GPC5: variants seen among roughly 807,000 people sequenced by gnomAD.
GPC5 encodes the protein glypican 5.
Under a neutral mutation model 53.9 loss-of-function variants are expected in GPC5, and 47 were observed. The observed-to-expected ratio is 0.87, with a 90% CI of 0.69 to 1.11. The LOEUF (loss-of-function observed/expected upper bound fraction) is 1.11. GPC5 is among the 50% of genes most tolerant of loss of function. The pLI is 0.00. For missense variants in GPC5, 748 were observed against 713.1 expected (o/e 1.05, Z -0.56); for synonymous variants, 286 against 263.3 (o/e 1.09, Z -0.84).
intron 7 of GPC5, among the ~76,000 whole-genome samples, chr13:92,261,941 T>G (rs1376602465): frequency 2.6e-5 from 4 of 152,204 alleles, no homozygotes; most frequent in Admixed American, 6.6e-5. Context: ...TTTGTTATAC[T>G]GTTGTAAATG....
rs540127314 is a variant in GPC5, at chr13:91,746,339, T to TA, written c.1155-9947dup. ...ATTATGTGTGGACTGACTTTAGGGG[T>TA]AAAAAAAAATCAATATATGTCATTA... On this transcript the variant is annotated intron_variant, in intron 4 of 7. Transcript: ENST00000377067. Among the ~76,000 whole-genome samples the TA allele has an allele frequency of 9.8e-3, 1,490 of 151,350 alleles. 12 individuals carry two copies. The highest frequency in any genetic ancestry group is 0.017 in the Middle Eastern group (5 of 294).
chr13:92,443,297 C>T (rs543074530), intron 7 of GPC5, among the ~76,000 whole-genome samples: 1 of 152,274 alleles, frequency 6.6e-6, no homozygotes, highest in African/African-American at 2.4e-5. Flanking sequence ...CCAAACACCT[C>T]CCACCAGGCA....
chr13:92,834,600 A>C (rs1387374155), intron 7 of GPC5, among the ~76,000 whole-genome samples: 1 of 152,150 alleles, frequency 6.6e-6, no homozygotes, highest in Non-Finnish European at 1.5e-5. Context: ...CAGGTTGACA[A>C]AGAGTGTGGC....
chr13:92,672,014 T>C (rs776997758), intron 7 of GPC5, among the ~76,000 whole-genome samples: 6 of 152,264 alleles, frequency 3.9e-5, no homozygotes, highest in Non-Finnish European at 7.4e-5. Flanking sequence ...CTGACTCTAG[T>C]AGTGAATGAG....
At chr13:92,399,505 T>G (rs1292906678) in intron 7 of GPC5, among the ~76,000 whole-genome samples, 1 of 152,080 alleles carries the variant, frequency 6.6e-6, no homozygotes, top group African/African-American at 2.4e-5. Flanking sequence ...TTATACCTAT[T>G]TACCCCCAGC....
intron 2 of GPC5, among the ~76,000 whole-genome samples, chr13:91,667,521 G>T (rs1244774833): frequency 6.6e-6 from 1 of 152,178 alleles, no homozygotes; most frequent in Non-Finnish European, 1.5e-5. Flanking sequence ...CTGTCAGACT[G>T]CTAGATGCAA....
chr13:91,664,219 G>A (rs1361810042), intron 2 of GPC5, among the ~76,000 whole-genome samples: 1 of 152,208 alleles, frequency 6.6e-6, no homozygotes, highest in Non-Finnish European at 1.5e-5. Context: ...TGCAAAGATT[G>A]TAGCACACTT....
intron 7 of GPC5, among the ~76,000 whole-genome samples, chr13:92,425,650 C>T (rs1403414051): frequency 6.6e-6 from 1 of 152,020 alleles, no homozygotes; most frequent in Non-Finnish European, 1.5e-5. Flanking sequence ...CTTTGGGCTT[C>T]CTTCTTTTGG....
At chr13:92,421,875 G>T (rs1876583643) in intron 7 of GPC5, among the ~76,000 whole-genome samples, 1 of 151,908 alleles carries the variant, frequency 6.6e-6, no homozygotes, top group South Asian at 2.1e-4. Flanking sequence ...TAAACAGCCA[G>T]ATCTAGTAAG....
chr13:91,556,072 CT>C (rs77360740), intron 2 of GPC5, among the ~76,000 whole-genome samples: 39,536 of 151,734 alleles, frequency 0.26, 5,873 homozygotes, highest in African/African-American at 0.42. Flanking sequence ...AGCCATACCC[CT>C]ATCCCTTCCA....
chr13:92,220,052 A>G (rs2042437758), intron 7 of GPC5, among the ~76,000 whole-genome samples: 1 of 152,172 alleles, frequency 6.6e-6, no homozygotes, highest in African/African-American at 2.4e-5. Context: ...CACTGGTAAC[A>G]CTATAATTAT....
At chr13:92,748,811 A>G (rs17233858) in intron 7 of GPC5, among the ~76,000 whole-genome samples, 3,580 of 152,240 alleles carry the variant, frequency 0.024, 77 homozygotes, top group South Asian at 0.1. Context: ...TACAATTTTA[A>G]GCACCTCATA....
At chr13:91,618,286 G>T (rs1168629026) in intron 2 of GPC5, among the ~76,000 whole-genome samples, 1 of 152,102 alleles carries the variant, frequency 6.6e-6, no homozygotes, top group South Asian at 2.1e-4. Context: ...GTGAGTGAAG[G>T]TCACATTAGA....
At chr13:92,157,926 G>C (rs1476726706) in intron 7 of GPC5, among the ~76,000 whole-genome samples, 4 of 151,940 alleles carry the variant, frequency 2.6e-5, no homozygotes, top group Admixed American at 2.6e-4. Context: ...GTCTAGAAAG[G>C]GAAATAGGTA....
At chr13:92,632,540 T>A (rs1323442720) in intron 7 of GPC5, among the ~76,000 whole-genome samples, 1 of 150,110 alleles carries the variant, frequency 6.7e-6, no homozygotes, top group African/African-American at 2.4e-5. Flanking sequence ...GCTACCTGTA[T>A]AGTTTATATA....
At chr13:91,572,112 TGTATATATAC>T (rs2031911360) in intron 2 of GPC5, among the ~76,000 whole-genome samples, 2 of 126,642 alleles carry the variant, frequency 1.6e-5, no homozygotes, top group African/African-American at 6.2e-5. Context: ...TATACACACA[TGTATATATAC>T]GTGTGTATAT....
At chr13:91,834,224 C>T (rs1401528440) in intron 5 of GPC5, among the ~76,000 whole-genome samples, 2 of 152,060 alleles carry the variant, frequency 1.3e-5, no homozygotes, top group East Asian at 3.9e-4. Context: ...AATTACAAAC[C>T]ACTGCTCAAG....
chr13:92,307,574 T>A (rs149654032), intron 7 of GPC5, among the ~76,000 whole-genome samples: 1 of 152,396 alleles, frequency 6.6e-6, no homozygotes, highest in Non-Finnish European at 1.5e-5. Flanking sequence ...TAAAGTTGGC[T>A]ATTCTTATCT....
chr13:92,688,256 C>T (rs1183274617), intron 7 of GPC5, among the ~76,000 whole-genome samples: 1 of 76,166 alleles, frequency 1.3e-5, no homozygotes, highest in Non-Finnish European at 2.3e-5. Flanking sequence ...TGTTATTGGT[C>T]TATTCAGAGA....
Sources: gnomAD v4.1 joint callset for allele counts (sites outside exome capture counted in the v4.1 genomes callset) on GRCh38, gnomAD v4.1.1 for gene constraint, MANE v1.5 for transcripts, NCBI Gene and HGNC (gene_info 2026-07-23, HGNC 2026-07-21) for gene names.